The following G2E3 variants were observed in gnomAD, a reference collection of about 807,000 sequenced individuals.
G2E3 encodes the protein G2/M-phase specific E3 ubiquitin protein ligase.
A neutral mutation model predicts 92.8 loss-of-function variants in G2E3; 35 were observed. The observed-to-expected ratio is 0.38, with a 90% CI of 0.29 to 0.50. The LOEUF is 0.50. Among genes scored for constraint, G2E3 ranks in the 20% least tolerant of loss-of-function variants. The pLI, the probability that G2E3 is intolerant of heterozygous loss-of-function variation, is 0.94. For synonymous variants in G2E3, 242 were observed against 272.4 expected (o/e 0.89, Z 1.10); for missense variants, 554 against 823.8 (o/e 0.67, Z 4.01).
Position 30,587,080 on chromosome 14 carries a change from GA to G in G2E3, c.135+271del, listed in dbSNP as rs530108900. On this transcript the variant is annotated intron_variant, in intron 3 of 14. Coordinates refer to ENST00000206595, the MANE Select transcript of G2E3 (RefSeq NM_017769.5). ...CTGTTTAAGGCCTAAGTGAAAAAAG[GA>G]AAAAATGATTAGGTCTATAAAGGAG... Among the ~76,000 whole-genome samples, 84 of 152,128 alleles carry G rather than the reference GA, an allele frequency of 5.5e-4. 1 individual carries two copies. The highest frequency in any genetic ancestry group is 2.0e-3 in the African/African-American group (83 of 41,530).
intron 13 of G2E3, among the ~76,000 whole-genome samples, chr14:30,613,857 A>G (rs1012732959): frequency 3.3e-5 from 5 of 152,116 alleles, no homozygotes; most frequent in African/African-American, 1.2e-4. Context: ...TTAAGTATGA[A>G]GCAACTATTT....
chr14:30,577,628 A>C (rs1880192228), intron 1 of G2E3: 1 of 152,202 alleles, frequency 6.6e-6, no homozygotes, highest in Non-Finnish European at 1.5e-5. Context: ...TGTATGTTGA[A>C]AATTTTTATG....
chr14:30,585,462 A>C (rs978749241), intron 2 of G2E3, among the ~76,000 whole-genome samples: 1 of 152,020 alleles, frequency 6.6e-6, no homozygotes, highest in Admixed American at 6.6e-5. Context: ...AAATCATTTG[A>C]CCATAGATGT....
chr14:30,564,760 T>G (rs941358186), intron 1 of G2E3, among the ~76,000 whole-genome samples: 5 of 152,236 alleles, frequency 3.3e-5, no homozygotes, highest in Non-Finnish European at 5.9e-5. Flanking sequence ...TAATATAATG[T>G]TTTCAAGGTT....
intron 3 of G2E3, among the ~76,000 whole-genome samples, chr14:30,588,214 T>A (rs1231148404): frequency 1.4e-5 from 2 of 146,636 alleles, no homozygotes; most frequent in Non-Finnish European, 1.5e-5. Context: ...TACTTTTTTT[T>A]CAGTCAGGAA....
intron 14 of G2E3, 88 bp downstream of exon 14, chr14:30,615,627 C>T (rs1882279658): frequency 2.5e-6 from 2 of 807,672 alleles, no homozygotes; most frequent in East Asian, 2.8e-5. Flanking sequence ...TATGTTTTGC[C>T]TTTTGGTATT....
intron 6 of G2E3, among the ~76,000 whole-genome samples, chr14:30,594,974 C>CAA (rs1042656686): frequency 2.4e-5 from 3 of 125,386 alleles, no homozygotes; most frequent in South Asian, 2.6e-4. Flanking sequence ...ACTAAAAATA[C>CAA]AAAAAAAAAA....
intron 6 of G2E3, among the ~76,000 whole-genome samples, chr14:30,596,955 C>T (rs1252345815): frequency 6.6e-6 from 1 of 152,106 alleles, no homozygotes; most frequent in Admixed American, 6.5e-5. Flanking sequence ...TCTGTATTTG[C>T]TATAGCAATG....
Position 30,570,259 on chromosome 14 carries a change from G to T in G2E3, c.-4-10817G>T, listed in dbSNP as rs531068101. Among the ~76,000 whole-genome samples, 4 of 152,200 alleles carry T rather than the reference G, an allele frequency of 2.6e-5. No homozygotes were observed. In the South Asian group the frequency reaches 6.2e-4, roughly 24 times the overall value. On this transcript the variant is annotated intron_variant, in intron 1 of 14. Transcript: ENST00000206595. ...GCTGCTTTCAAGATTCTTTGTCTTT[G>T]TTTTTGTCAGTTTGACTATACTGTG...
intron 7 of G2E3, 44 bp downstream of exon 7, chr14:30,597,570 T>TC: frequency 9.9e-7 from 1 of 1,010,038 alleles, no homozygotes; most frequent in Non-Finnish European, 1.6e-6. Flanking sequence ...ATATTTTAAA[T>TC]GTAGGATTTA....
chr14:30,592,375 G>A lies in G2E3; in HGVS notation c.290G>A (p.Arg97Gln), dbSNP rs1413295887. 6.2e-7 allele frequency: 1 copy of A among 1,608,872 alleles called. No homozygotes were observed. Reference protein sequence around the residue: ...NGASIGCVAPRCKRSYHFPCG... With the variant: ...NGASIGCVAPQCKRSYHFPCG... ...GCTTCAATTGGATGTGTTGCACCCC[G>A]ATGTAAACGAAGTTATCATTTCCCA... The change falls in exon 5 of 15, where the codon CGA becomes CAA. Residue 97 changes from arginine to glutamine, a missense_variant. Around this residue, in one of 3 missense-constraint regions of G2E3, gnomAD observed 137 missense variants for 201.3 expected, o/e 0.68. Transcript: ENST00000206595.
chr14:30,570,414 C>T (rs1879688150), intron 1 of G2E3, among the ~76,000 whole-genome samples: 1 of 152,032 alleles, frequency 6.6e-6, no homozygotes. Context: ...GCTATTATTT[C>T]TTCAAACATT....
At chr14:30,578,016 T>C (rs1880215878) in intron 1 of G2E3, among the ~76,000 whole-genome samples, 1 of 152,170 alleles carries the variant, frequency 6.6e-6, no homozygotes, top group South Asian at 2.1e-4. Flanking sequence ...TAATTCTGCT[T>C]GGGAAGTCTT....
chr14:30,570,277 A>G (rs762283149), intron 1 of G2E3, among the ~76,000 whole-genome samples: 7 of 152,156 alleles, frequency 4.6e-5, no homozygotes, highest in Admixed American at 6.6e-5. Context: ...CAGTTTGACT[A>G]TACTGTGTCT....
rs1256357467 is a variant in G2E3, at chr14:30,593,617, G to T, written c.506G>T (p.Trp169Leu). Residue 169 changes from tryptophan (W) to leucine (L), a missense_variant, in exon 6 of 15, where the codon TGG (tryptophan) becomes TTG (leucine). By Grantham distance (61) the Trp-to-Leu change is moderately conservative. This residue lies in a region of G2E3 where 137 missense variants were observed against 201.3 expected (regional missense o/e 0.68). Coordinates refer to ENST00000206595, the MANE Select transcript of G2E3 (RefSeq NM_017769.5). ...CGAAGTCCTTGTTGTAAGAACGCTT[G>T]GTTTCATAGAGACTGTTTACAGGTA... ...ILRSPCCKNAWFHRDCLQVQA... is the reference protein window; with the variant it reads ...ILRSPCCKNALFHRDCLQVQA... 1 of 1,606,944 alleles carries T rather than the reference G, an allele frequency of 6.2e-7. No individual in the cohort carries two copies. The highest frequency in any genetic ancestry group is 1.3e-5 in the African/African-American group (1 of 74,750).
chr14:30,576,444 C>T (rs1880095425), intron 1 of G2E3, among the ~76,000 whole-genome samples: 1 of 152,142 alleles, frequency 6.6e-6, no homozygotes, highest in African/African-American at 2.4e-5. Context: ...CATTATCATC[C>T]TGGACATAAG....
chr14:30,573,762 G>A (rs533770337), intron 1 of G2E3: 5 of 152,236 alleles, frequency 3.3e-5, no homozygotes, highest in East Asian at 3.9e-4. Flanking sequence ...GTCTACCCAC[G>A]CTGGGGATGG....
chr14:30,586,839 T>A (rs777916644), intron 3 of G2E3, 24 bp downstream of exon 3: 1 of 808,970 alleles, frequency 1.2e-6, no homozygotes, highest in Non-Finnish European at 1.9e-6. Context: ...ATAATTAAAT[T>A]CTAGAAATTT....
intron 1 of G2E3, among the ~76,000 whole-genome samples, chr14:30,562,330 A>G (rs1879150712): frequency 6.6e-6 from 1 of 152,118 alleles, no homozygotes; most frequent in African/African-American, 2.4e-5. Flanking sequence ...ATTACTCTTT[A>G]TTCCAATATT....
Sources: gnomAD v4.1 joint callset for allele counts (sites outside exome capture counted in the v4.1 genomes callset) on GRCh38, gnomAD v4.1.1 for gene constraint, gnomAD v4.1.1 regional missense constraint, MANE v1.5 for transcripts, NCBI Gene and HGNC (gene_info 2026-07-23, HGNC 2026-07-21) for gene names.